LHPP: variants seen among roughly 807,000 people sequenced by gnomAD.
LHPP encodes the protein hLHPP.
Under a neutral mutation model 30.3 loss-of-function variants are expected in LHPP, and 24 were observed. That is an observed-to-expected ratio of 0.79 (90% confidence interval 0.57 to 1.11). LHPP has a LOEUF of 1.11. Among genes scored for constraint, LHPP ranks in the 50% most tolerant of loss-of-function variants. LHPP has a pLI of 0.00. For missense variants in LHPP, 356 were observed against 367.2 expected, an observed-to-expected ratio of 0.97 and a Z score of 0.25; for synonymous variants, 150 against 157.1, an observed-to-expected ratio of 0.95 and a Z score of 0.34.
rs1464915551 is a variant in LHPP at position 124,478,040 on chromosome 10, C to G, written c.126-6099C>G. Among the ~76,000 whole-genome samples the G allele has an allele frequency of 1.3e-5, 2 of 152,176 alleles. No homozygotes were observed. The highest frequency in any genetic ancestry group is 2.4e-5 in the African/African-American group (1 of 41,438). ...TCCTGCGCCAGGGTGCCCCCAGGTG[C>G]TGATCTTGGCTCCACTGTGGTTGGG... On this transcript the variant is annotated intron_variant, in intron 1 of 6. Transcript: ENST00000368842. This position sits in a 1 kb window ranked among gnomAD's most constrained non-coding sequence, Gnocchi z 4.7.
intron 6 of LHPP, among the ~76,000 whole-genome samples, chr10:124,560,059 G>A (rs1004784810): frequency 6.6e-6 from 1 of 152,240 alleles, no homozygotes; most frequent in Admixed American, 6.5e-5. Context: ...GGGCACTGGA[G>A]TCCTGCCTTG....
intron 1 of LHPP, among the ~76,000 whole-genome samples, chr10:124,474,768 A>G (rs945766130): frequency 6.6e-5 from 10 of 152,102 alleles, no homozygotes; most frequent in Non-Finnish European, 2.9e-5. Context: ...GGAGCCAGTC[A>G]CCGGGCGCTG....
At chr10:124,486,311 C>T (rs1245849399) in intron 2 of LHPP, among the ~76,000 whole-genome samples, 1 of 152,068 alleles carries the variant, frequency 6.6e-6, no homozygotes, top group Non-Finnish European at 1.5e-5. Context: ...GGATTTTTTC[C>T]GTTATAAATA....
At chr10:124,547,913 T>C (rs1253663526) in intron 6 of LHPP, among the ~76,000 whole-genome samples, 5 of 152,126 alleles carry the variant, frequency 3.3e-5, no homozygotes, top group Non-Finnish European at 5.9e-5. Context: ...ACTGTCCCTT[T>C]AGAATAATCC....
At chr10:124,509,293 G>A (rs1460820277) in intron 5 of LHPP, among the ~76,000 whole-genome samples, 1 of 152,178 alleles carries the variant, frequency 6.6e-6, no homozygotes, top group African/African-American at 2.4e-5. Context: ...CCACTGTTCA[G>A]ACTCCCGTCA....
chr10:124,473,057 G>T (rs1252897439), intron 1 of LHPP, among the ~76,000 whole-genome samples: 1 of 152,178 alleles, frequency 6.6e-6, no homozygotes, highest in Admixed American at 6.5e-5. Context: ...GCCTTGGTGG[G>T]CGGGGGTCAC....
intron 5 of LHPP, among the ~76,000 whole-genome samples, chr10:124,515,604 C>A (rs1021699430): frequency 1.3e-5 from 2 of 152,178 alleles, no homozygotes; most frequent in Non-Finnish European, 2.9e-5. Context: ...TAAAGAATTT[C>A]GAACTTTGTT....
chr10:124,548,075 C>T (rs917236990), intron 6 of LHPP, among the ~76,000 whole-genome samples: 5 of 152,152 alleles, frequency 3.3e-5, no homozygotes, highest in African/African-American at 1.2e-4. Flanking sequence ...TAGGGGAGTT[C>T]CTGGGAGGTA....
At chr10:124,521,528 C>T (rs1009063954) in intron 6 of LHPP, among the ~76,000 whole-genome samples, 1 of 152,322 alleles carries the variant, frequency 6.6e-6, no homozygotes, top group South Asian at 2.1e-4. Flanking sequence ...GTCAGCTGGG[C>T]ATCAGAAGGC....
chr10:124,611,031 A>G (rs12355969), intron 6 of LHPP, among the ~76,000 whole-genome samples: 5,503 of 69,012 alleles, frequency 0.08, 1,186 homozygotes, highest in Middle Eastern at 0.11. Flanking sequence ...GAGGGTGCTG[A>G]TGGAGCGGGT....
chr10:124,516,931 C>T (rs1019979700), intron 5 of LHPP, among the ~76,000 whole-genome samples: 1 of 152,124 alleles, frequency 6.6e-6, no homozygotes, highest in African/African-American at 2.4e-5. Flanking sequence ...ATCACTTTGA[C>T]GTCTGCTGAT....
At chr10:124,612,415 A>C (rs1290987213) in intron 6 of LHPP, among the ~76,000 whole-genome samples, 1 of 152,070 alleles carries the variant, frequency 6.6e-6, no homozygotes, top group Non-Finnish European at 1.5e-5. Flanking sequence ...AAAAAAATAA[A>C]AAATAAAAAA....
intron 6 of LHPP, among the ~76,000 whole-genome samples, chr10:124,597,071 G>C (rs1439480797): frequency 6.6e-6 from 1 of 152,166 alleles, no homozygotes; most frequent in Non-Finnish European, 1.5e-5. Context: ...GATGCTTCCT[G>C]CTCTGGGACA....
intron 6 of LHPP, among the ~76,000 whole-genome samples, chr10:124,574,447 C>T (rs995133398): frequency 3.9e-5 from 6 of 152,154 alleles, no homozygotes; most frequent in Admixed American, 6.5e-5. Context: ...CGAGGATGGG[C>T]GGGAGCTCAG....
In LHPP at chr10:124,596,096, C is replaced by T. The variant is rs1027007288; in HGVS notation, c.717-17168C>T. ...TTCTGTGCAGCCAGACTCCATCCTACGGCATCCGTGGGTGATGTTTCATCA... is the reference window on the plus strand; with the variant it reads ...TTCTGTGCAGCCAGACTCCATCCTATGGCATCCGTGGGTGATGTTTCATCA... On this transcript the variant is annotated intron_variant, in intron 6 of 6. Transcript: ENST00000368842. This position sits in a 1 kb window ranked among gnomAD's most constrained non-coding sequence, Gnocchi z 4.6. Among the ~76,000 whole-genome samples, 2 of 152,202 alleles carry T rather than the reference C, an allele frequency of 1.3e-5. No individual in the cohort carries two copies. The highest frequency in any genetic ancestry group is 6.5e-5 in the Admixed American group (1 of 15,286).
intron 6 of LHPP, among the ~76,000 whole-genome samples, chr10:124,535,383 T>TTAAGTTAGTCCTG (rs1954998922): frequency 6.6e-6 from 1 of 152,178 alleles, no homozygotes; most frequent in Non-Finnish European, 1.5e-5. Flanking sequence ...CCACACAGCT[T>TTAAGTTAGTCCTG]TAAGTTAGTC....
At chr10:124,539,992 T>A (rs1334768886) in intron 6 of LHPP, among the ~76,000 whole-genome samples, 1 of 152,108 alleles carries the variant, frequency 6.6e-6, no homozygotes, top group Non-Finnish European at 1.5e-5. Flanking sequence ...TCACCGCACT[T>A]CCTGGCACAC....
chr10:124,592,041 C>T lies in LHPP; in HGVS notation c.717-21223C>T, dbSNP rs1450784294. 6.6e-6 allele frequency among the ~76,000 whole-genome samples: 1 copy of T among 152,108 alleles called. No homozygotes were observed. Among genetic ancestry groups the T allele is most frequent in the East Asian group, 1.9e-4 (1 of 5,188 alleles). ...AAGTCAGCACTCAAGTTTATATGGACAAATAAGCAAGTAAAATTAGTTAGG... is the reference window on the plus strand; with the variant it reads ...AAGTCAGCACTCAAGTTTATATGGATAAATAAGCAAGTAAAATTAGTTAGG... On this transcript the variant is annotated intron_variant, in intron 6 of 6. Coordinates refer to ENST00000368842, the MANE Select transcript of LHPP (RefSeq NM_022126.4). The surrounding 1 kb of genome is among the most constrained non-coding windows in gnomAD (Gnocchi z 6.2).
intron 6 of LHPP, among the ~76,000 whole-genome samples, chr10:124,581,019 C>T (rs1010124856): frequency 5.9e-5 from 9 of 152,138 alleles, no homozygotes; most frequent in East Asian, 1.9e-4. Flanking sequence ...CCACCATGCC[C>T]GGCTATTTTC....
Sources: gnomAD v4.1 joint callset for allele counts (sites outside exome capture counted in the v4.1 genomes callset) on GRCh38, gnomAD v4.1.1 for gene constraint, Gnocchi (gnomAD v3.1) non-coding constraint, MANE v1.5 for transcripts, NCBI Gene and HGNC (gene_info 2026-07-23, HGNC 2026-07-21) for gene names.